PARP15: variants seen among roughly 807,000 people sequenced by gnomAD.
PARP15 encodes poly(ADP-ribose) polymerase family member 15, also known as protein mono-ADP-ribosyltransferase PARP15.
Under a neutral mutation model 62.1 loss-of-function variants are expected in PARP15, and 50 were observed. The ratio of observed to expected loss-of-function variants is 0.81; its 90% CI spans 0.64 to 1.02. The LOEUF is 1.02. Among genes scored for constraint, PARP15 ranks in the 50% least tolerant of loss-of-function variants. The pLI, the probability that PARP15 is intolerant of heterozygous loss-of-function variation, is 0.00. For synonymous variants in PARP15, 309 were observed against 293.1 expected (o/e 1.05, Z -0.55); for missense variants, 820 against 826.5 (o/e 0.99, Z 0.10).
chr3:122,617,328 G>A (rs1936045630), intron 6 of PARP15, among the ~76,000 whole-genome samples, 164 bp downstream of exon 6: 1 of 152,210 alleles, frequency 6.6e-6, no homozygotes, highest in Admixed American at 6.5e-5. Flanking sequence ...ACTTAGCAAT[G>A]TGTAGCTGTG....
chr3:122,603,507 A>G (rs1934955808), intron 1 of PARP15, among the ~76,000 whole-genome samples: 1 of 152,220 alleles, frequency 6.6e-6, no homozygotes, highest in Non-Finnish European at 1.5e-5. Flanking sequence ...TAGGATTTTG[A>G]TTGAATTTGA....
chr3:122,621,970 T>A (rs763624624), intron 8 of PARP15, among the ~76,000 whole-genome samples: 16 of 152,202 alleles, frequency 1.1e-4, no homozygotes, highest in Non-Finnish European at 2.2e-4. Flanking sequence ...GGCAAATATT[T>A]GTATTTTTTA....
intron 8 of PARP15, 133 bp downstream of exon 8, chr3:122,621,744 CT>C: frequency 3.8e-6 from 3 of 790,330 alleles, no homozygotes; most frequent in Non-Finnish European, 5.5e-6. Context: ...AGGGAGCCAT[CT>C]TTTAGATCTG....
At chr3:122,607,733 C>G (rs1935251563) in intron 2 of PARP15, among the ~76,000 whole-genome samples, 1 of 152,180 alleles carries the variant, frequency 6.6e-6, no homozygotes, top group African/African-American at 2.4e-5. Flanking sequence ...CCTATTCTTA[C>G]CATTGGATGG....
intron 1 of PARP15, among the ~76,000 whole-genome samples, chr3:122,581,054 C>A (rs1430761102): frequency 6.6e-6 from 1 of 152,124 alleles, no homozygotes; most frequent in Non-Finnish European, 1.5e-5. Flanking sequence ...TACCATATAG[C>A]CTAAGTGTAT....
At position 122,615,868 on chromosome 3, in the gene PARP15, G is replaced by C; in HGVS notation, c.850+11G>C. On this transcript the variant is annotated intron_variant, in intron 5 of 11. Transcript: ENST00000464300. ...CAGGAGATACCCAAGGTCTGGTAAA[G>C]TCGTTCTGCTAAGGAAATATTTCCT... 6.2e-7 allele frequency: 1 copy of C among 1,606,246 alleles called. No individual in the cohort carries two copies. The highest frequency in any genetic ancestry group is 8.5e-7 in the Non-Finnish European group (1 of 1,173,640).
chr3:122,591,185 G>A (rs904400131), intron 1 of PARP15, among the ~76,000 whole-genome samples: 3 of 152,162 alleles, frequency 2.0e-5, no homozygotes, highest in African/African-American at 7.2e-5. Context: ...AAAATATCCT[G>A]AGTGTTTCTG....
rs182227896 is a variant in PARP15, at chr3:122,591,365, G to C, written c.186+13512G>C. The stretch of plus-strand genomic sequence containing the variant: ...TCACAATATCCAAGACGTCATGACT[G>C]AGAACATGCTATCCTTGCTCATGGA... On this transcript the variant is annotated intron_variant, in intron 1 of 11. Coordinates refer to ENST00000464300, the MANE Select transcript of PARP15 (RefSeq NM_001113523.3). 5.3e-5 allele frequency among the ~76,000 whole-genome samples: 8 copies of C among 152,356 alleles called. No individual in the cohort carries two copies. In the South Asian group the frequency reaches 1.5e-3, roughly 28 times the overall value.
intron 1 of PARP15, among the ~76,000 whole-genome samples, chr3:122,588,016 C>T (rs1366047367): frequency 6.6e-6 from 1 of 152,076 alleles, no homozygotes; most frequent in Middle Eastern, 3.2e-3. Context: ...TTCTTTTTAT[C>T]AGATATATCT....
chr3:122,613,082 A>G lies in PARP15; in HGVS notation c.585A>G (p.Glu195=). The change falls in exon 4 of 12, where the codon GAA becomes GAG. Residue 195 remains glutamate (E), a synonymous_variant. Coordinates refer to ENST00000464300, the MANE Select transcript of PARP15 (RefSeq NM_001113523.3). ...TCAAGAAATGTTTGACAACTGTAGAAGTGCTATCTTTCTCATCAATCACAT... is the reference window on the plus strand; with the variant it reads ...TCAAGAAATGTTTGACAACTGTAGAGGTGCTATCTTTCTCATCAATCACAT... ...NIIKKCLTTV[E]VLSFSSITFP... 6.4e-7 allele frequency: 1 copy of G among 1,551,922 alleles called. No individual in the cohort carries two copies. Among genetic ancestry groups the G allele is most frequent in the Non-Finnish European group, 8.7e-7 (1 of 1,147,014 alleles).
chr3:122,611,669 A>G (rs1052098923), intron 3 of PARP15, among the ~76,000 whole-genome samples: 1 of 151,664 alleles, frequency 6.6e-6, no homozygotes, highest in South Asian at 2.1e-4. Context: ...ACATTTTACT[A>G]TATTTCCTTC....
At chr3:122,617,885 C>G (rs1454318681) in intron 6 of PARP15, among the ~76,000 whole-genome samples, 1 of 151,302 alleles carries the variant, frequency 6.6e-6, no homozygotes, top group Non-Finnish European at 1.5e-5. Flanking sequence ...TGTGCCACCC[C>G]CTAATTTATT....
intron 10 of PARP15, 43 bp downstream of exon 10, chr3:122,632,262 C>T: frequency 1.3e-6 from 2 of 1,575,416 alleles, no homozygotes; most frequent in Non-Finnish European, 1.7e-6. Context: ...TGTTGATGAA[C>T]TAACATAAAA....
chr3:122,601,708 A>T (rs1037266771), intron 1 of PARP15, among the ~76,000 whole-genome samples: 1 of 152,242 alleles, frequency 6.6e-6, no homozygotes, highest in Non-Finnish European at 1.5e-5. Context: ...TTTGGCAGTT[A>T]TGAATAAAGC....
At position 122,610,503 on chromosome 3, in the gene PARP15, A is replaced by G; in HGVS notation, c.316A>G (p.Ile106Val). The G allele has an allele frequency of 6.4e-7, 1 of 1,551,084 alleles. No individual in the cohort carries two copies. Among genetic ancestry groups the G allele is most frequent in the Non-Finnish European group, 8.7e-7 (1 of 1,146,846 alleles). The change falls in exon 3 of 12, where the codon ATT becomes GTT. Residue 106 changes from isoleucine (I) to valine (V), a missense_variant. Physicochemically the swap from Ile to Val is conservative, Grantham distance 29. Around this residue, in one of 3 missense-constraint regions of PARP15, gnomAD observed 731 missense variants for 727.7 expected, o/e 1.00. Coordinates refer to ENST00000464300, the MANE Select transcript of PARP15 (RefSeq NM_001113523.3). ...GDVLYIWADVIVNSVPMNLQL... is the reference protein window; with the variant it reads ...GDVLYIWADVVVNSVPMNLQL... ...TGCTATTTTCGTTAAGGCCGATGTC[A>G]TTGTCAACAGCGTTCCCATGAATCT... is the stretch of plus-strand genomic sequence containing the variant.
chr3:122,593,489 G>A (rs1359750651), intron 1 of PARP15, among the ~76,000 whole-genome samples: 17 of 151,824 alleles, frequency 1.1e-4, no homozygotes. Context: ...AAGATAACGT[G>A]GATTCACTGT....
chr3:122,613,826 T>C (rs1002532800), intron 4 of PARP15, among the ~76,000 whole-genome samples: 2 of 146,096 alleles, frequency 1.4e-5, no homozygotes, highest in Non-Finnish European at 3.0e-5. Context: ...TTTTTTTTTT[T>C]TTTTTTTTTT....
intron 7 of PARP15, among the ~76,000 whole-genome samples, chr3:122,620,244 G>A (rs1388663304): frequency 6.6e-6 from 1 of 152,198 alleles, no homozygotes; most frequent in Non-Finnish European, 1.5e-5. Flanking sequence ...CAATTAATGT[G>A]AAAAGTTCTG....
At chr3:122,605,364 A>G (rs1237415625) in intron 1 of PARP15, among the ~76,000 whole-genome samples, 1 of 152,166 alleles carries the variant, frequency 6.6e-6, no homozygotes, top group East Asian at 1.9e-4. Flanking sequence ...GGGAATACAG[A>G]CAGGGTTGGC....
Sources: allele counts gnomAD v4.1 joint callset (sites outside exome capture counted in the v4.1 genomes callset), GRCh38; gene constraint gnomAD v4.1.1; regional missense constraint gnomAD v4.1.1; transcripts MANE v1.5; gene names NCBI Gene and HGNC (gene_info 2026-07-23, HGNC 2026-07-21).